The following PDS5B variants were observed in gnomAD, a reference collection of about 807,000 sequenced individuals.
PDS5B encodes the protein sister chromatid cohesion protein PDS5 homolog B.
PDS5B carries 51 observed loss-of-function variants against 184.1 expected under a neutral mutation model. The observed-to-expected ratio is 0.28, with a 90% CI of 0.22 to 0.35. PDS5B has a LOEUF of 0.35. Ranked by LOEUF, PDS5B falls within the 10% of genes least tolerant of loss-of-function variation. PDS5B has a pLI of 1.00. For synonymous variants in PDS5B, 566 were observed against 569.2 expected (o/e 0.99, Z 0.08); for missense variants, 1,180 against 1,723.3 (o/e 0.68, Z 5.58).
intron 1 of PDS5B, among the ~76,000 whole-genome samples, chr13:32,624,050 T>A (rs2058339060): frequency 6.6e-6 from 1 of 151,984 alleles, no homozygotes; most frequent in Admixed American, 6.6e-5. Context: ...AAAAAAAAAA[T>A]TGTTACACTT....
intron 14 of PDS5B, among the ~76,000 whole-genome samples, chr13:32,696,462 C>T (rs944908103): frequency 6.6e-6 from 1 of 151,940 alleles, no homozygotes; most frequent in Non-Finnish European, 1.5e-5. Flanking sequence ...TTGTCTTTCT[C>T]CAGTGTCTTC....
chr13:32,688,637 A>G (rs1187564761), intron 13 of PDS5B, 68 bp downstream of exon 13: 1 of 893,974 alleles, frequency 1.1e-6, no homozygotes, highest in East Asian at 2.4e-5. Context: ...TGGAAAAGAA[A>G]CTACAAACAC....
chr13:32,719,791 C>CCG (rs1555309623), intron 19 of PDS5B, among the ~76,000 whole-genome samples: 4 of 150,958 alleles, frequency 2.6e-5, no homozygotes, highest in African/African-American at 9.7e-5. Flanking sequence ...GACCCCCCCC[C>CCG]CTTTTTTTTT....
chr13:32,590,631 A>G (rs767509445), intron 1 of PDS5B, among the ~76,000 whole-genome samples: 1 of 152,234 alleles, frequency 6.6e-6, no homozygotes, highest in Non-Finnish European at 1.5e-5. Flanking sequence ...AGGGACCTGA[A>G]AAGAAATGAG....
intron 1 of PDS5B, among the ~76,000 whole-genome samples, chr13:32,612,148 AG>A (rs2058153439): frequency 6.6e-6 from 1 of 151,890 alleles, no homozygotes; most frequent in Non-Finnish European, 1.5e-5. Flanking sequence ...TCCTTACCTC[AG>A]GGCACATGTA....
chr13:32,669,066 C>G (rs549452193), intron 7 of PDS5B, among the ~76,000 whole-genome samples: 5 of 152,114 alleles, frequency 3.3e-5, no homozygotes, highest in Non-Finnish European at 7.4e-5. Context: ...TTGTAAGTTA[C>G]GGGTACTGGC....
chr13:32,678,250 A>T (rs559153883), intron 9 of PDS5B, among the ~76,000 whole-genome samples: 1 of 152,216 alleles, frequency 6.6e-6, no homozygotes, highest in Non-Finnish European at 1.5e-5. Flanking sequence ...AAGAATTTTA[A>T]CTTTTTAGGG....
chr13:32,635,336 CCTGT>C (rs1357566131), intron 1 of PDS5B, among the ~76,000 whole-genome samples: 16 of 142,490 alleles, frequency 1.1e-4, no homozygotes, highest in Admixed American at 2.1e-4. Context: ...CTATGCCTGG[CCTGT>C]CTTTTTTTTT....
intron 31 of PDS5B, among the ~76,000 whole-genome samples, chr13:32,766,185 G>A (rs572611500): frequency 5.4e-4 from 82 of 152,232 alleles, no homozygotes; most frequent in Non-Finnish European, 8.7e-4. Flanking sequence ...TTCATTTGTT[G>A]GAAAAGTCAA....
In PDS5B at chr13:32,757,740, G is replaced by A. The variant is rs1040689089; in HGVS notation, c.3057-347G>A. On this transcript the variant is annotated intron_variant, in intron 26 of 34. Transcript: ENST00000315596. ...GAGTATCTGAGGCCTCACTTGATCCGTGGCCCCACTATTCCTTTGACAGTC... is the reference window on the plus strand; with the variant it reads ...GAGTATCTGAGGCCTCACTTGATCCATGGCCCCACTATTCCTTTGACAGTC... 3.3e-5 allele frequency among the ~76,000 whole-genome samples: 5 copies of A among 152,102 alleles called. No homozygotes were observed. The East Asian group carries it at 5.8e-4, about 18-fold the overall frequency.
rs1174552498 is a variant in PDS5B at position 32,716,732 on chromosome 13, G to A, written c.2123+6626G>A. Among the ~76,000 whole-genome samples, 832 of 127,442 alleles carry A rather than the reference G, an allele frequency of 6.5e-3. 22 individuals are homozygous for A. Among genetic ancestry groups the A allele is most frequent in the South Asian group, 0.021 (73 of 3,546 alleles). The allele number at this position is 127,442 out of a possible 152,430, so 83.6% of individuals were successfully genotyped here. A position where few individuals can be genotyped will look rare whatever the true frequency, so the allele number is the denominator to read the frequency against. The stretch of plus-strand genomic sequence containing the variant: ...AGGTGAGGGGCGCTTTTGCCCAGCC[G>A]CCCCTACTGGGAAGTGAGGGGCCCC... On this transcript the variant is annotated intron_variant, in intron 19 of 34. Transcript: ENST00000315596.
At chr13:32,757,595 A>T (rs1445580955) in intron 26 of PDS5B, among the ~76,000 whole-genome samples, 1 of 152,210 alleles carries the variant, frequency 6.6e-6, no homozygotes, top group Admixed American at 6.5e-5. Flanking sequence ...AAGCAAAGAC[A>T]ATGCTTATAA....
At chr13:32,753,569 T>C (rs1954063336) in intron 25 of PDS5B, 33 bp downstream of exon 25, 3 of 1,460,438 alleles carry the variant, frequency 2.1e-6, no homozygotes, top group Non-Finnish European at 2.8e-6. Context: ...AGGATACTTT[T>C]TCAGCCTGCT....
At position 32,753,545 on chromosome 13, in the gene PDS5B, A is replaced by G. The variant is rs762581534; in HGVS notation, c.2941+9A>G. On this transcript the variant is annotated intron_variant, in intron 25 of 34. Transcript: ENST00000315596. The stretch of plus-strand genomic sequence containing the variant: ...GCATGCAGCTGTTAGTGGTAAGCAT[A>G]TAAGAAAATGGAAAGGATACTTTTT... 15 of 1,585,684 alleles carry G rather than the reference A, an allele frequency of 9.5e-6. No homozygotes were observed. The highest frequency in any genetic ancestry group is 4.5e-5 in the East Asian group (2 of 44,426).
intron 15 of PDS5B, among the ~76,000 whole-genome samples, 198 bp downstream of exon 15, chr13:32,697,100 G>A (rs1266848143): frequency 2.0e-5 from 3 of 152,116 alleles, no homozygotes; most frequent in African/African-American, 7.2e-5. Flanking sequence ...AAATCATCAT[G>A]TAAACTTATA....
rs774532596 is a variant in PDS5B, at chr13:32,758,590, A to T, written c.3246A>T (p.Thr1082=). The stretch of plus-strand genomic sequence containing the variant: ...ATATCATCATGTCAAAGAGTACTAC[A>T]TACAGTTTGGAATCTCCTAAAGACC... ...AMNIIMSKST[T]YSLESPKDPV... The change falls in exon 28 of 35, where the codon ACA becomes ACT. Residue 1082 remains threonine (T), a synonymous_variant. Coordinates refer to ENST00000315596, the MANE Select transcript of PDS5B (RefSeq NM_015032.4). 6.2e-7 allele frequency: 1 copy of T among 1,611,834 alleles called. No individual in the cohort carries two copies. The highest frequency in any genetic ancestry group is 8.5e-7 in the Non-Finnish European group (1 of 1,177,990).
chr13:32,734,259 T>G (rs572946870), intron 20 of PDS5B, among the ~76,000 whole-genome samples: 15 of 152,208 alleles, frequency 9.9e-5, no homozygotes, highest in African/African-American at 3.6e-4. Flanking sequence ...ACTCCTGACC[T>G]CAGGTGATCT....
chr13:32,701,903 A>G (rs1951873068), intron 17 of PDS5B, among the ~76,000 whole-genome samples: 1 of 152,156 alleles, frequency 6.6e-6, no homozygotes, highest in Non-Finnish European at 1.5e-5. Context: ...GTTGTTTTTT[A>G]AAACAACTCT....
chr13:32,693,538 T>C (rs1171202998), intron 13 of PDS5B, among the ~76,000 whole-genome samples: 1 of 151,738 alleles, frequency 6.6e-6, no homozygotes, highest in Non-Finnish European at 1.5e-5. Context: ...TTAATAGAAG[T>C]GTAGAATAAT....
Sources: allele counts gnomAD v4.1 joint callset (sites outside exome capture counted in the v4.1 genomes callset), GRCh38; gene constraint gnomAD v4.1.1; transcripts MANE v1.5; gene names NCBI Gene and HGNC (gene_info 2026-07-23, HGNC 2026-07-21).